Variants in NEDD4L observed in about 807,000 individuals in gnomAD.
NEDD4L encodes E3 ubiquitin-protein ligase NEDD4-like.
A neutral mutation model predicts 148.9 loss-of-function variants in NEDD4L; 54 were observed. That is an observed-to-expected ratio of 0.36 (90% confidence interval 0.29 to 0.45). The LOEUF (loss-of-function observed/expected upper bound fraction) is 0.45. NEDD4L is among the 20% of genes least tolerant of loss of function. NEDD4L has a pLI of 1.00. For missense variants in NEDD4L, 856 were observed against 1,233.8 expected, an observed-to-expected ratio of 0.69 and a Z score of 4.59; for synonymous variants, 433 against 440.7, an observed-to-expected ratio of 0.98 and a Z score of 0.22.
intron 5 of NEDD4L, among the ~76,000 whole-genome samples, chr18:58,292,377 T>C (rs1308819838): frequency 6.6e-6 from 1 of 152,090 alleles, no homozygotes; most frequent in East Asian, 1.9e-4. Context: ...GGCATTTTCC[T>C]TTCTACTCTC....
At chr18:58,139,767 C>T (rs908854522) in intron 1 of NEDD4L, among the ~76,000 whole-genome samples, 1 of 152,146 alleles carries the variant, frequency 6.6e-6, no homozygotes, top group African/African-American at 2.4e-5. Context: ...TCTTTGCTAA[C>T]CTCCCAAAGG....
At position 58,048,931 on chromosome 18, in the gene NEDD4L, TG is replaced by T. The variant is rs1319603349; in HGVS notation, c.48+4225del. On this transcript the variant is annotated intron_variant, in intron 1 of 30. Transcript: ENST00000400345. ...ATAACAAACCTTTAAGGCTAACCTTTGGCGTGGATGCCATATTTCTTTCACT... is the reference window on the plus strand; with the variant it reads ...ATAACAAACCTTTAAGGCTAACCTTTGCGTGGATGCCATATTTCTTTCACT... Among the ~76,000 whole-genome samples the T allele has an allele frequency of 2.0e-5, 3 of 152,318 alleles. No homozygotes were observed. The East Asian group carries it at 5.8e-4, about 29-fold the overall frequency.
At chr18:58,272,659 C>G (rs957017809) in intron 5 of NEDD4L, among the ~76,000 whole-genome samples, 1 of 151,946 alleles carries the variant, frequency 6.6e-6, no homozygotes, top group Non-Finnish European at 1.5e-5. Flanking sequence ...TAATCCCGAC[C>G]TTCCTCCAAA....
At chr18:58,254,634 T>C (rs190948597) in intron 5 of NEDD4L, among the ~76,000 whole-genome samples, 42 of 152,248 alleles carry the variant, frequency 2.8e-4, no homozygotes, top group African/African-American at 1.0e-3. Flanking sequence ...TGTTTGTTTT[T>C]TGGTTGATGT....
intron 1 of NEDD4L, among the ~76,000 whole-genome samples, chr18:58,074,343 C>T (rs1272891919): frequency 6.6e-6 from 1 of 151,142 alleles, no homozygotes; most frequent in East Asian, 1.9e-4. Context: ...ACTGCAACCT[C>T]TGCCTCCCGG....
At chr18:58,304,615 T>C (rs769623542) in intron 5 of NEDD4L, among the ~76,000 whole-genome samples, 92 of 152,222 alleles carry the variant, frequency 6.0e-4, no homozygotes, top group Non-Finnish European at 6.3e-4. Flanking sequence ...TTGGATGAGA[T>C]TGGCCTTTGG....
At chr18:58,159,252 G>T (rs1173922324) in intron 1 of NEDD4L, among the ~76,000 whole-genome samples, 14 of 152,006 alleles carry the variant, frequency 9.2e-5, no homozygotes. Context: ...GCAGGGGAGG[G>T]ATGAGTAGGC....
At chr18:58,046,825 G>T (rs1158393549) in intron 1 of NEDD4L, 5 of 152,152 alleles carry the variant, frequency 3.3e-5, no homozygotes, top group African/African-American at 1.2e-4. Context: ...CATGTCGCTG[G>T]TAGTATTTAG....
intron 5 of NEDD4L, among the ~76,000 whole-genome samples, chr18:58,299,216 G>T (rs1005636467): frequency 6.6e-6 from 1 of 152,230 alleles, no homozygotes; most frequent in African/African-American, 2.4e-5. Context: ...TGCACACTGT[G>T]TGCATCCCGC....
In NEDD4L at chr18:58,165,968, T is replaced by C. The variant is rs1014723063; in HGVS notation, c.122+107T>C. 5 of 887,722 alleles carry C rather than the reference T, an allele frequency of 5.6e-6. No homozygotes were observed. In the South Asian group the frequency reaches 7.9e-5, roughly 14 times the overall value. 55.0% of individuals were successfully genotyped at this position (887,722 alleles called of 1,614,324 possible). A position where few individuals can be genotyped will look rare whatever the true frequency, so the allele number is the denominator to read the frequency against. ...CCTGGAGGACTTCTTAAGACAAAGC[T>C]GGCTGGGCCCCACCTGCAGGGATTC... On this transcript the variant is annotated intron_variant, in intron 2 of 30. Transcript: ENST00000400345.
At chr18:58,227,205 G>A (rs1414320644) in intron 2 of NEDD4L, among the ~76,000 whole-genome samples, 1 of 152,216 alleles carries the variant, frequency 6.6e-6, no homozygotes, top group Non-Finnish European at 1.5e-5. Flanking sequence ...GAGGTAGAGC[G>A]TTTTGTCTGT....
intron 5 of NEDD4L, among the ~76,000 whole-genome samples, chr18:58,279,358 A>G (rs1170462102): frequency 6.6e-6 from 1 of 152,240 alleles, no homozygotes; most frequent in Non-Finnish European, 1.5e-5. Flanking sequence ...AATGGATAAA[A>G]GCTATGGATT....
intron 11 of NEDD4L, among the ~76,000 whole-genome samples, chr18:58,333,270 T>C (rs918753298): frequency 6.2e-5 from 9 of 144,560 alleles, no homozygotes; most frequent in African/African-American, 2.1e-4. Context: ...AGAACAAGAC[T>C]CTATATTTAA....
chr18:58,268,498 AT>A (rs747894982), intron 5 of NEDD4L, among the ~76,000 whole-genome samples: 1 of 151,952 alleles, frequency 6.6e-6, no homozygotes, highest in Non-Finnish European at 1.5e-5. Flanking sequence ...AAAGAGGTAT[AT>A]TTTGGGGTGA....
At chr18:58,316,673 G>C (rs548821360) in intron 6 of NEDD4L, among the ~76,000 whole-genome samples, 1 of 152,226 alleles carries the variant, frequency 6.6e-6, no homozygotes, top group Non-Finnish European at 1.5e-5. Flanking sequence ...CGGGCATTAG[G>C]GCTGACACCC....
At chr18:58,115,242 TTTC>T (rs1375867830) in intron 1 of NEDD4L, among the ~76,000 whole-genome samples, 32 of 136,718 alleles carry the variant, frequency 2.3e-4, no homozygotes, top group African/African-American at 8.8e-4. Context: ...TCTTTCTTTC[TTTC>T]TTTTTTTTTT....
chr18:58,345,930 G>GTT lies in NEDD4L; in HGVS notation c.1575+2834_1575+2835dup, dbSNP rs35603239. On this transcript the variant is annotated intron_variant, in intron 16 of 30. Transcript: ENST00000400345. ...TAATTTTTGTTGTTTTTTGTTTTTT[G>GTT]TTTTTTTTAGCACAGACAGGGTTTC... Among the ~76,000 whole-genome samples, 1,145 of 128,418 alleles carry GTT rather than the reference G, an allele frequency of 8.9e-3. 16 individuals carry two copies. Among genetic ancestry groups the GTT allele is most frequent in the African/African-American group, 0.026 (795 of 30,860 alleles). The allele number at this position is 128,418 out of a possible 152,430, so 84.2% of individuals were successfully genotyped here.
At chr18:58,103,021 G>C (rs921779279) in intron 1 of NEDD4L, among the ~76,000 whole-genome samples, 6 of 151,922 alleles carry the variant, frequency 3.9e-5, no homozygotes, top group Admixed American at 3.9e-4. Context: ...CTTATTATCT[G>C]TGCTGGCTTA....
At chr18:58,296,580 G>A (rs2055607408) in intron 5 of NEDD4L, among the ~76,000 whole-genome samples, 1 of 152,232 alleles carries the variant, frequency 6.6e-6, no homozygotes, top group African/African-American at 2.4e-5. Context: ...CGCTGGGGCT[G>A]CCTTGCCTCC....
Sources: allele counts gnomAD v4.1 joint callset (sites outside exome capture counted in the v4.1 genomes callset), GRCh38; gene constraint gnomAD v4.1.1; transcripts MANE v1.5; gene names NCBI Gene and HGNC (gene_info 2026-07-23, HGNC 2026-07-21).